The following CNTN5 variants were observed in gnomAD, a reference collection of about 807,000 sequenced individuals.
The protein encoded by CNTN5 is contactin 5.
In CNTN5, 77 loss-of-function variants were observed where a neutral mutation model predicts 129.1. The observed-to-expected ratio is 0.60, with a 90% CI of 0.50 to 0.72. The LOEUF (loss-of-function observed/expected upper bound fraction) is 0.72. CNTN5 is among the 30% of genes least tolerant of loss of function. The probability of loss-of-function intolerance (pLI) is 0.00; values close to 1 mark genes in which losing one functional copy is unlikely to be tolerated. For synonymous variants in CNTN5, 509 were observed against 465.6 expected, an observed-to-expected ratio of 1.09 and a Z score of -1.20; for missense variants, 1,478 against 1,328.8, an observed-to-expected ratio of 1.11 and a Z score of -1.75.
intron 3 of CNTN5, among the ~76,000 whole-genome samples, chr11:99,799,820 G>T (rs1400006772): frequency 6.6e-6 from 1 of 151,944 alleles, no homozygotes; most frequent in African/African-American, 2.4e-5. Context: ...GGGTAGAATT[G>T]GTACCAGCTC....
At chr11:100,342,156 C>CACACACACACACAA (rs1952177484) in intron 23 of CNTN5, among the ~76,000 whole-genome samples, 1 of 96,904 alleles carries the variant, frequency 1.0e-5, no homozygotes, top group Non-Finnish European at 2.3e-5. Flanking sequence ...ATCACAGACA[C>CACACACACACACAA]ACACACACAC....
chr11:99,967,197 C>G (rs750342971), intron 8 of CNTN5, among the ~76,000 whole-genome samples: 2 of 152,074 alleles, frequency 1.3e-5, no homozygotes, highest in Non-Finnish European at 2.9e-5. Flanking sequence ...CAAGGCTATA[C>G]GAAGGAACAG....
intron 8 of CNTN5, among the ~76,000 whole-genome samples, chr11:99,964,042 C>G (rs192595943): frequency 1.3e-5 from 2 of 152,136 alleles, no homozygotes; most frequent in Admixed American, 1.3e-4. Flanking sequence ...TGCTTATCAG[C>G]TTAAGGAGAT....
chr11:99,429,557 A>G (rs183449508), intron 2 of CNTN5, among the ~76,000 whole-genome samples: 4 of 152,266 alleles, frequency 2.6e-5, no homozygotes, highest in Admixed American at 2.0e-4. Context: ...GAGGAAGGTT[A>G]AAAATGGATA....
Position 99,165,565 on chromosome 11 carries a change from G to C in CNTN5, c.-210+144295G>C, listed in dbSNP as rs56765409. 4.9e-3 allele frequency among the ~76,000 whole-genome samples: 748 copies of C among 152,248 alleles called. 4 individuals carry two copies. The highest frequency in any genetic ancestry group is 0.017 in the African/African-American group (722 of 41,550). ...ATTTTTGTGCTAATGAGGGTGTTCA[G>C]GGGTACAAATGACAAGACCCAACTC... On this transcript the variant is annotated intron_variant, in intron 1 of 24. Coordinates refer to ENST00000524871, the MANE Select transcript of CNTN5 (RefSeq NM_014361.4).
intron 21 of CNTN5, among the ~76,000 whole-genome samples, chr11:100,310,142 G>A (rs1310603532): frequency 6.6e-6 from 1 of 151,820 alleles, no homozygotes; most frequent in Non-Finnish European, 1.5e-5. Flanking sequence ...CTCTGCTTTT[G>A]GGGACTTCAA....
At chr11:99,829,231 A>T (rs1475502168) in intron 4 of CNTN5, among the ~76,000 whole-genome samples, 1 of 152,212 alleles carries the variant, frequency 6.6e-6, no homozygotes, top group Non-Finnish European at 1.5e-5. Flanking sequence ...ATAGAGGTTA[A>T]TCTCATAATT....
intron 3 of CNTN5, among the ~76,000 whole-genome samples, chr11:99,659,049 G>A (rs1617992): frequency 0.61 from 93,235 of 151,862 alleles, 29,501 homozygotes; most frequent in Admixed American, 0.7. Flanking sequence ...TGATTTACTT[G>A]GAGATGGGCA....
At chr11:99,576,714 T>C (rs1401849181) in intron 3 of CNTN5, among the ~76,000 whole-genome samples, 1 of 152,128 alleles carries the variant, frequency 6.6e-6, no homozygotes, top group Non-Finnish European at 1.5e-5. Context: ...TGCCTGCAGA[T>C]TTGGTGTTTG....
intron 3 of CNTN5, among the ~76,000 whole-genome samples, chr11:99,808,722 G>C (rs193226536): frequency 6.6e-6 from 1 of 152,222 alleles, no homozygotes; most frequent in East Asian, 1.9e-4. Flanking sequence ...CCATTTGTGA[G>C]AAATCGCCAA....
At chr11:99,317,772 T>C (rs1865402270) in intron 1 of CNTN5, among the ~76,000 whole-genome samples, 1 of 152,124 alleles carries the variant, frequency 6.6e-6, no homozygotes, top group Admixed American at 6.5e-5. Flanking sequence ...ATAATAAATT[T>C]TCTAAAATTT....
At chr11:100,127,095 A>AT (rs5794039) in intron 13 of CNTN5, among the ~76,000 whole-genome samples, 3,820 of 85,608 alleles carry the variant, frequency 0.045, 360 homozygotes, top group African/African-American at 0.15. Context: ...TGCGCAGCTA[A>AT]TTTTTTTTTT....
At chr11:99,126,074 C>T (rs996935104) in intron 1 of CNTN5, among the ~76,000 whole-genome samples, 1 of 151,980 alleles carries the variant, frequency 6.6e-6, no homozygotes, top group African/African-American at 2.4e-5. Context: ...GTAATTTAAC[C>T]AGGGCTGCGA....
At chr11:99,050,491 A>C (rs1252985393) in intron 1 of CNTN5, among the ~76,000 whole-genome samples, 3 of 151,910 alleles carry the variant, frequency 2.0e-5, no homozygotes, top group African/African-American at 7.2e-5. Context: ...AATATTTCAA[A>C]TAGAAAAAAA....
intron 15 of CNTN5, among the ~76,000 whole-genome samples, chr11:100,204,160 C>G (rs1306691423): frequency 1.3e-5 from 2 of 150,044 alleles, no homozygotes; most frequent in Non-Finnish European, 1.5e-5. Context: ...TACTTATTTG[C>G]TGGGCTTAAC....
At chr11:100,319,477 A>T (rs926804307) in intron 21 of CNTN5, among the ~76,000 whole-genome samples, 3 of 152,252 alleles carry the variant, frequency 2.0e-5, no homozygotes, top group Middle Eastern at 3.4e-3. Context: ...CTGACAGATG[A>T]AATTATATGG....
chr11:100,204,930 G>A (rs1303497087), intron 15 of CNTN5, among the ~76,000 whole-genome samples: 1 of 151,788 alleles, frequency 6.6e-6, no homozygotes, highest in Non-Finnish European at 1.5e-5. Context: ...AATATAATAA[G>A]GCCCTGAATA....
chr11:99,785,387 A>G lies in CNTN5; in HGVS notation c.56-34157A>G, dbSNP rs184438599. ...CTGATGATAGTTTCTTTTGCTGTGC[A>G]GAAGCTCTTTAGTTTAATTAGATCC... On this transcript the variant is annotated intron_variant, in intron 3 of 24. Coordinates refer to ENST00000524871, the MANE Select transcript of CNTN5 (RefSeq NM_014361.4). Among the ~76,000 whole-genome samples, 15 of 152,264 alleles carry G rather than the reference A, an allele frequency of 9.9e-5. No homozygotes were observed. The East Asian group carries it at 2.9e-3, about 30-fold the overall frequency.
At chr11:99,583,530 G>T (rs184824944) in intron 3 of CNTN5, among the ~76,000 whole-genome samples, 2 of 152,202 alleles carry the variant, frequency 1.3e-5, no homozygotes, top group African/African-American at 2.4e-5. Context: ...AATGGTGGGT[G>T]CCCCTCCCCC....
Sources: allele counts gnomAD v4.1 joint callset (sites outside exome capture counted in the v4.1 genomes callset), GRCh38; gene constraint gnomAD v4.1.1; transcripts MANE v1.5; gene names NCBI Gene and HGNC (gene_info 2026-07-23, HGNC 2026-07-21).